The following AGTPBP1 variants were observed in gnomAD, a reference collection of about 807,000 sequenced individuals.
AGTPBP1 encodes the protein ATP/GTP binding carboxypeptidase 1.
In AGTPBP1, 70 loss-of-function variants were observed where a neutral mutation model predicts 143.9. The ratio of observed to expected loss-of-function variants is 0.49; its 90% CI spans 0.40 to 0.59. The LOEUF is 0.59. Among genes scored for constraint, AGTPBP1 ranks in the 20% least tolerant of loss-of-function variants. AGTPBP1 has a pLI of 0.00. For missense variants in AGTPBP1, 1,229 were observed against 1,464.5 expected (o/e 0.84, Z 2.62); for synonymous variants, 463 against 500.2 (o/e 0.93, Z 0.99).
the AGTPBP1 span, among the ~76,000 whole-genome samples, chr9:85,788,391 CATT>C: frequency 0.011 from 1,683 of 148,746 alleles, 8 homozygotes; most frequent in Admixed American, 0.018. Flanking sequence ...GACCTTTTGC[CATT>C]ATTATATATA....
chr9:85,795,637 T>C, the AGTPBP1 span, among the ~76,000 whole-genome samples: 1 of 151,976 alleles, frequency 6.6e-6, no homozygotes, highest in South Asian at 2.1e-4. Flanking sequence ...CTGGTAAAAA[T>C]ATAGAGGGTA....
chr9:85,564,740 T>C lies in AGTPBP1; in HGVS notation c.3503+10575A>G, dbSNP rs193117950. On this transcript the variant is annotated intron_variant, in intron 25 of 25. Transcript: ENST00000357081. Reference sequence around the variant, plus strand: ...CTACAAATACACTATATGATATTCATACGATGATGAAATCACCTAACAACA... The same window carrying C: ...CTACAAATACACTATATGATATTCACACGATGATGAAATCACCTAACAACA... Among the ~76,000 whole-genome samples the C allele has an allele frequency of 6.5e-3, 986 of 152,348 alleles. 8 individuals are homozygous for C. The highest frequency in any genetic ancestry group is 0.011 in the Non-Finnish European group (728 of 68,038).
the AGTPBP1 span, among the ~76,000 whole-genome samples, chr9:85,797,336 C>T: frequency 6.6e-6 from 1 of 152,040 alleles, no homozygotes; most frequent in Non-Finnish European, 1.5e-5. Flanking sequence ...CTCAAAACTC[C>T]TGAGCTCAAG....
intron 3 of AGTPBP1, among the ~76,000 whole-genome samples, chr9:85,688,603 G>A (rs534754286): frequency 5.1e-4 from 78 of 152,152 alleles, no homozygotes; most frequent in Non-Finnish European, 9.6e-4. Context: ...TATAAGGAAA[G>A]ATTAGCAACA....
At chr9:85,615,564 T>C (rs1830559012) in intron 17 of AGTPBP1, among the ~76,000 whole-genome samples, 1 of 152,082 alleles carries the variant, frequency 6.6e-6, no homozygotes, top group Admixed American at 6.6e-5. Flanking sequence ...AAATGTAGTG[T>C]TACACATGAG....
intron 17 of AGTPBP1, among the ~76,000 whole-genome samples, chr9:85,614,044 A>T (rs535132764): frequency 3.2e-4 from 48 of 152,162 alleles, no homozygotes; most frequent in Admixed American, 9.2e-4. Context: ...CTGATTTTTT[A>T]AAAAAAGAAA....
At chr9:85,760,601 G>C in the AGTPBP1 span, among the ~76,000 whole-genome samples, 2 of 152,128 alleles carry the variant, frequency 1.3e-5, no homozygotes, top group Non-Finnish European at 2.9e-5. Context: ...AATAAATTAG[G>C]TATTGAGGGG....
chr9:85,602,074 C>T (rs1829707261), intron 17 of AGTPBP1, among the ~76,000 whole-genome samples: 1 of 151,974 alleles, frequency 6.6e-6, no homozygotes, highest in South Asian at 2.1e-4. Context: ...AACATAAGGA[C>T]ACAAGAAACA....
intron 8 of AGTPBP1, among the ~76,000 whole-genome samples, chr9:85,668,970 T>C (rs1416530593): frequency 5.9e-4 from 11 of 18,688 alleles, no homozygotes; most frequent in African/African-American, 3.9e-3. Flanking sequence ...TACATACATG[T>C]GTGTGTGTGT....
chr9:85,737,196 T>A (rs966622177), intron 1 of AGTPBP1, among the ~76,000 whole-genome samples: 4 of 152,224 alleles, frequency 2.6e-5, no homozygotes, highest in African/African-American at 7.2e-5. Flanking sequence ...ATGCACCTTT[T>A]TATGTGACAA....
intron 17 of AGTPBP1, among the ~76,000 whole-genome samples, chr9:85,609,438 G>A (rs1419488277): frequency 2.0e-5 from 3 of 151,906 alleles, no homozygotes; most frequent in Non-Finnish European, 2.9e-5. Context: ...TTACATGCAG[G>A]TGCCAGGCTC....
Position 85,655,172 on chromosome 9 carries a change from A to G in AGTPBP1, c.1058T>C (p.Val353Ala). The change falls in exon 11 of 26, where the codon GTG (valine) becomes GCG (alanine). Residue 353 changes from valine (V) to alanine (A), a missense_variant. Transcript: ENST00000357081. ...QLPVIPVTGP[V>A]AQLYSLPPEV... ...AGGAGGTAAGCTGTAGAGCTGAGCC[A>G]CAGGACCAGTCACAGGAATAACAGG... is the stretch of plus-strand genomic sequence containing the variant. The G allele has an allele frequency of 1.2e-6, 2 of 1,613,604 alleles. No individual in the cohort carries two copies. The highest frequency in any genetic ancestry group is 1.1e-5 in the South Asian group (1 of 90,994).
At chr9:85,625,907 T>TTG (rs1455006447) in intron 14 of AGTPBP1, among the ~76,000 whole-genome samples, 15 of 134,010 alleles carry the variant, frequency 1.1e-4, no homozygotes, top group East Asian at 5.5e-4. Context: ...TAGTTTTGTT[T>TTG]TTTTTTTTTT....
intron 13 of AGTPBP1, among the ~76,000 whole-genome samples, chr9:85,640,867 A>G (rs568477665): frequency 3.3e-4 from 51 of 152,370 alleles, no homozygotes; most frequent in African/African-American, 1.2e-3. Context: ...ACATGAGAGT[A>G]GTGCCCTCTT....
the AGTPBP1 span, chr9:85,770,396 A>G: frequency 6.2e-7 from 1 of 1,604,906 alleles, no homozygotes; most frequent in Admixed American, 1.7e-5. Flanking sequence ...GCATCATTCC[A>G]TAACCTCTCT....
the AGTPBP1 span, among the ~76,000 whole-genome samples, chr9:85,791,858 G>A: frequency 1.3e-5 from 2 of 151,196 alleles, no homozygotes; most frequent in Non-Finnish European, 2.9e-5. Flanking sequence ...ATCCTAGATC[G>A]AATTTGAATA....
chr9:85,752,972 G>A, the AGTPBP1 span, among the ~76,000 whole-genome samples: 1 of 152,098 alleles, frequency 6.6e-6, no homozygotes, highest in East Asian at 1.9e-4. Flanking sequence ...CTATGATCAT[G>A]CCATTGCACT....
intron 19 of AGTPBP1, among the ~76,000 whole-genome samples, chr9:85,590,442 T>A (rs551677785): frequency 6.6e-6 from 1 of 152,312 alleles, no homozygotes; most frequent in East Asian, 1.9e-4. Flanking sequence ...GTTTTAATGG[T>A]CTTATTATGT....
intron 7 of AGTPBP1, among the ~76,000 whole-genome samples, chr9:85,670,193 T>A (rs1419355552): frequency 6.6e-6 from 1 of 152,066 alleles, no homozygotes; most frequent in African/African-American, 2.4e-5. Context: ...AACATCACAA[T>A]GTGAGCAGTT....
Sources: gnomAD v4.1 joint callset for allele counts (sites outside exome capture counted in the v4.1 genomes callset) on GRCh38, gnomAD v4.1.1 for gene constraint, MANE v1.5 for transcripts, NCBI Gene and HGNC (gene_info 2026-07-23, HGNC 2026-07-21) for gene names.